NOS1: variants seen among roughly 807,000 people sequenced by gnomAD.
NOS1 encodes the protein NOS type I.
NOS1 carries 51 observed loss-of-function variants against 164.5 expected under a neutral mutation model. That is an observed-to-expected ratio of 0.31 (90% CI 0.25 to 0.39). The LOEUF is 0.39. Among genes scored for constraint, NOS1 ranks in the 10% least tolerant of loss-of-function variants. NOS1 has a pLI of 1.00. For synonymous variants in NOS1, 719 were observed against 745.8 expected, an observed-to-expected ratio of 0.96 and a Z score of 0.59; for missense variants, 1,362 against 1,885.6, an observed-to-expected ratio of 0.72 and a Z score of 5.14.
In NOS1 at chr12:117,211,254, A is replaced by T. The variant is rs1347168508; in HGVS notation, c.*4055T>A. On this transcript the variant is annotated 3_prime_UTR_variant, in exon 29 of 29. Coordinates refer to ENST00000317775, the MANE Select transcript of NOS1 (RefSeq NM_000620.5). ...ATTACAGACATGAGCTACCGCGCCCAGCCTGCAAGATGCTTTAATTTCTCC... is the reference window on the plus strand; with the variant it reads ...ATTACAGACATGAGCTACCGCGCCCTGCCTGCAAGATGCTTTAATTTCTCC... 8.7e-5 allele frequency: 86 copies of T among 985,296 alleles called. No individual in the cohort carries two copies. Among genetic ancestry groups the T allele is most frequent in the Non-Finnish European group, 1.0e-4 (84 of 829,990 alleles). The allele number at this position is 985,296 out of a possible 1,614,324, so 61.0% of individuals were successfully genotyped here. A position where few individuals can be genotyped will look rare whatever the true frequency, so the allele number is the denominator to read the frequency against.
At chr12:117,253,860 C>A in intron 16 of NOS1, 106 bp from the exon 17 acceptor site, 1 of 743,374 alleles carries the variant, frequency 1.3e-6, no homozygotes, top group Non-Finnish European at 2.4e-6. Context: ...AGGGCCTTCT[C>A]TTGTATGTTG....
At position 117,253,560 on chromosome 12, in the gene NOS1, G is replaced by A. The variant is rs908049143; in HGVS notation, c.2648+78C>T. 1.8e-4 allele frequency: 168 copies of A among 937,468 alleles called. No homozygotes were observed. The Admixed American group carries it at 3.0e-3, about 17-fold the overall frequency. The allele number at this position is 937,468 out of a possible 1,614,324, so 58.1% of individuals were successfully genotyped here. ...GGACACTACCTCTCCACAACGAAGC[G>A]CTCACTTTGTAAGTAGGTCAAGCTC... On this transcript the variant is annotated intron_variant, in intron 17 of 28. Coordinates refer to ENST00000317775, the MANE Select transcript of NOS1 (RefSeq NM_000620.5).
chr12:117,264,719 C>T (rs953390830), intron 12 of NOS1, among the ~76,000 whole-genome samples: 9 of 149,028 alleles, frequency 6.0e-5, no homozygotes, highest in Admixed American at 4.1e-4. Context: ...CTCCCTTTCC[C>T]TCTCTCTCTT....
At position 117,311,348 on chromosome 12, in the gene NOS1, G is replaced by A. The variant is rs56746590; in HGVS notation, c.852+118C>T. 6.8e-5 allele frequency: 84 copies of A among 1,232,000 alleles called. No individual in the cohort carries two copies. In the African/African-American group the frequency reaches 9.5e-4, roughly 14 times the overall value. The allele number at this position is 1,232,000 out of a possible 1,614,324, so 76.3% of individuals were successfully genotyped here. On this transcript the variant is annotated intron_variant, in intron 3 of 28. Coordinates refer to ENST00000317775, the MANE Select transcript of NOS1 (RefSeq NM_000620.5). ...GCCTCCCAAGCTCTCCAGCCACGGC[G>A]GCTGATTTCCATCATGACACAGTTT... is the stretch of plus-strand genomic sequence containing the variant.
chr12:117,313,145 G>A (rs561482219), intron 2 of NOS1, among the ~76,000 whole-genome samples: 7 of 151,876 alleles, frequency 4.6e-5, no homozygotes, highest in South Asian at 4.2e-4. Context: ...CCTCCTCCTC[G>A]GCATCAGGAC....
In NOS1 at chr12:117,258,386, C is replaced by A; in HGVS notation, c.2531+11G>T. On this transcript the variant is annotated intron_variant, in intron 16 of 28. Coordinates refer to ENST00000317775, the MANE Select transcript of NOS1 (RefSeq NM_000620.5). ...GGGTGGCGGGTGACGTCGGAGGGGT[C>A]ATTCACTTACTTCCTTTCTTCCTGC... The A allele has an allele frequency of 6.2e-7, 1 of 1,614,046 alleles. No individual in the cohort carries two copies. Among genetic ancestry groups the A allele is most frequent in the Non-Finnish European group, 8.5e-7 (1 of 1,179,950 alleles).
chr12:117,302,594 C>CAA (rs144113071), intron 3 of NOS1, among the ~76,000 whole-genome samples: 85 of 72,818 alleles, frequency 1.2e-3, no homozygotes, highest in East Asian at 3.7e-3. Context: ...GACTCCGTCT[C>CAA]AAAAAAAAAA....
chr12:117,277,451 G>A (rs145300856), intron 9 of NOS1, among the ~76,000 whole-genome samples: 3 of 151,644 alleles, frequency 2.0e-5, no homozygotes, highest in Non-Finnish European at 4.4e-5. Flanking sequence ...CAAGCATGGT[G>A]GTGTGTGGCT....
In NOS1 at chr12:117,331,182, G is replaced by T; in HGVS notation, c.-113C>A. 1 of 1,327,744 alleles carries T rather than the reference G, an allele frequency of 7.5e-7. No homozygotes were observed. The highest frequency in any genetic ancestry group is 1.4e-5 in the South Asian group (1 of 70,970). The allele number at this position is 1,327,744 out of a possible 1,614,324, so 82.2% of individuals were successfully genotyped here. A position where few individuals can be genotyped will look rare whatever the true frequency, so the allele number is the denominator to read the frequency against. ...CTACACGGAGAGCAGGAGCCGGGGT[G>T]ACAGGTGCTGACAAGGCTTCAGCCC... On this transcript the variant is annotated 5_prime_UTR_variant, in exon 2 of 29. Coordinates refer to ENST00000317775, the MANE Select transcript of NOS1 (RefSeq NM_000620.5).
At chr12:117,336,388 A>T (rs16947472) in intron 1 of NOS1, among the ~76,000 whole-genome samples, 1,617 of 152,348 alleles carry the variant, frequency 0.011, 23 homozygotes, top group African/African-American at 0.035. Context: ...CAAAGGGCTC[A>T]TTCAACATGG....
intron 18 of NOS1, among the ~76,000 whole-genome samples, chr12:117,246,730 A>G (rs1238762135): frequency 6.6e-6 from 1 of 152,144 alleles, no homozygotes. Context: ...CCTGCAATAC[A>G]TATTCTTTTG....
At chr12:117,313,918 G>T (rs569312276) in intron 2 of NOS1, among the ~76,000 whole-genome samples, 1 of 152,306 alleles carries the variant, frequency 6.6e-6, no homozygotes, top group African/African-American at 2.4e-5. Flanking sequence ...TTGGGTCCCA[G>T]GCATTAAGAC....
chr12:117,336,261 C>T (rs1019508078), intron 1 of NOS1, among the ~76,000 whole-genome samples: 1 of 152,208 alleles, frequency 6.6e-6, no homozygotes, highest in Non-Finnish European at 1.5e-5. Context: ...TCCTGGTTTA[C>T]CCGTGCTTTC....
chr12:117,213,725 G>C lies in NOS1; in HGVS notation c.*1584C>G. On this transcript the variant is annotated 3_prime_UTR_variant, in exon 29 of 29. Coordinates refer to ENST00000317775, the MANE Select transcript of NOS1 (RefSeq NM_000620.5). Reference sequence around the variant, plus strand: ...TCTGTATAGCAAGACACAACAAACAGGGTAGAACCAGCAGAACATTCCCTT... The same window carrying C: ...TCTGTATAGCAAGACACAACAAACACGGTAGAACCAGCAGAACATTCCCTT... 3 of 985,454 alleles carry C rather than the reference G, an allele frequency of 3.0e-6. No individual in the cohort carries two copies. The highest frequency in any genetic ancestry group is 3.6e-6 in the Non-Finnish European group (3 of 829,944). 61.0% of individuals were successfully genotyped at this position (985,454 alleles called of 1,614,324 possible). A position where few individuals can be genotyped will look rare whatever the true frequency, so the allele number is the denominator to read the frequency against.
intron 22 of NOS1, 107 bp from the exon 23 acceptor site, chr12:117,227,748 C>G: frequency 2.0e-6 from 2 of 993,814 alleles, no homozygotes; most frequent in Non-Finnish European, 3.1e-6. Flanking sequence ...TAACAGTTGG[C>G]AGGTGCAGTG....
At chr12:117,290,180 G>C (rs962812205) in intron 4 of NOS1, 118 bp downstream of exon 4, 1 of 1,237,138 alleles carries the variant, frequency 8.1e-7, no homozygotes, top group Non-Finnish European at 1.1e-6. Context: ...ATGGGTCAGG[G>C]GTGGTGCTCA....
At chr12:117,321,729 C>T (rs1228869332) in intron 2 of NOS1, among the ~76,000 whole-genome samples, 2 of 152,140 alleles carry the variant, frequency 1.3e-5, no homozygotes, top group Non-Finnish European at 2.9e-5. Flanking sequence ...TGAGATACAT[C>T]AAGTGTGGTC....
rs565798426 is a variant in NOS1, at chr12:117,311,582, C to T, written c.736G>A (p.Gly246Ser). 9.0e-5 allele frequency: 145 copies of T among 1,610,520 alleles called. No homozygotes were observed. The South Asian group carries it at 1.4e-3, about 16-fold the overall frequency. The change falls in exon 3 of 29, where the codon GGC becomes AGC. Residue 246 changes from glycine to serine, a missense_variant. Physicochemically the swap from Gly to Ser is moderately conservative, Grantham distance 56. Transcript: ENST00000317775. The stretch of plus-strand genomic sequence containing the variant: ...AGGGGCAGAGGTTTGTGTGACTTGC[C>T]GTCCAAATCTCTGAAAGGCAAGGTG... ...MGIQVDRDLD[G>S]KSHKPLPLGV... is the part of the protein sequence containing the mutation.
intron 3 of NOS1, among the ~76,000 whole-genome samples, chr12:117,311,003 C>G (rs955332704): frequency 6.6e-6 from 1 of 152,000 alleles, no homozygotes; most frequent in Non-Finnish European, 1.5e-5. Context: ...GTAGCTGGGA[C>G]TACAGGCGCC....
Sources: allele counts gnomAD v4.1 joint callset (sites outside exome capture counted in the v4.1 genomes callset), GRCh38; gene constraint gnomAD v4.1.1; transcripts MANE v1.5; gene names NCBI Gene and HGNC (gene_info 2026-07-23, HGNC 2026-07-21).